CHLSN: variants seen among roughly 807,000 people sequenced by gnomAD.
CHLSN encodes cholesin.
the CHLSN span, among the ~76,000 whole-genome samples, chr7:1,064,045 C>T: frequency 6.6e-6 from 1 of 152,152 alleles, no homozygotes; most frequent in South Asian, 2.1e-4. Flanking sequence ...GAGGGAGTCA[C>T]TTCAACATCT....
the CHLSN span, among the ~76,000 whole-genome samples, chr7:992,832 C>A: frequency 6.6e-6 from 1 of 152,190 alleles, no homozygotes; most frequent in African/African-American, 2.4e-5. Flanking sequence ...CTCAGCCTAG[C>A]GCCCAGCTGT....
chr7:997,744 G>T, the CHLSN span: 6 of 1,611,028 alleles, frequency 3.7e-6, no homozygotes, highest in African/African-American at 8.0e-5. Context: ...GTCAGCTCTC[G>T]GGCCCGGCCC....
chr7:997,750 G>T, the CHLSN span: 5 of 1,610,992 alleles, frequency 3.1e-6, no homozygotes, highest in Non-Finnish European at 4.2e-6. Context: ...TCTCGGGCCC[G>T]GCCCTGCAGC....
At chr7:990,552 C>T in the CHLSN span, among the ~76,000 whole-genome samples, 3 of 151,962 alleles carry the variant, frequency 2.0e-5, no homozygotes, top group African/African-American at 7.3e-5. Flanking sequence ...ACGTGGTGGC[C>T]GGGACACACG....
chr7:1,008,172 C>A, the CHLSN span, among the ~76,000 whole-genome samples: 1 of 152,336 alleles, frequency 6.6e-6, no homozygotes, highest in South Asian at 2.1e-4. Flanking sequence ...CTCTGCCTCC[C>A]ACAGGGAGCC....
chr7:1,100,296 C>T, the CHLSN span, among the ~76,000 whole-genome samples: 2 of 152,232 alleles, frequency 1.3e-5, no homozygotes, highest in African/African-American at 4.8e-5. Flanking sequence ...CCACAGGAGC[C>T]GACAGAGGCT....
the CHLSN span, among the ~76,000 whole-genome samples, chr7:1,059,654 G>GT: frequency 1.2e-5 from 1 of 81,002 alleles, no homozygotes; most frequent in Non-Finnish European, 3.0e-5. Flanking sequence ...GCAGGTCTTA[G>GT]GGGGGCGGGT....
the CHLSN span, among the ~76,000 whole-genome samples, chr7:1,131,812 T>G: frequency 6.6e-6 from 1 of 152,242 alleles, no homozygotes; most frequent in Non-Finnish European, 1.5e-5. Context: ...TAATAAGGGA[T>G]AAAAGACTTT....
At chr7:1,009,369 A>G in the CHLSN span, among the ~76,000 whole-genome samples, 1 of 152,132 alleles carries the variant, frequency 6.6e-6, no homozygotes, top group East Asian at 1.9e-4. Context: ...TGTGCTGGTA[A>G]GCGCCGGGGA....
chr7:1,000,405 G>T, the CHLSN span: 3 of 1,086,894 alleles, frequency 2.8e-6, no homozygotes, highest in Non-Finnish European at 3.7e-6. Context: ...CCGGGGGGAC[G>T]TGCCTGCCCC....
the CHLSN span, among the ~76,000 whole-genome samples, chr7:1,064,297 C>T: frequency 6.6e-6 from 1 of 152,256 alleles, no homozygotes; most frequent in Admixed American, 6.5e-5. Context: ...TTAGCAGCCA[C>T]AGAACAGGCC....
chr7:1,015,125 C>T, the CHLSN span, among the ~76,000 whole-genome samples: 8 of 152,252 alleles, frequency 5.3e-5, no homozygotes, highest in Non-Finnish European at 1.2e-4. Context: ...TGACCTTCCC[C>T]AGCCGTGGCC....
the CHLSN span, among the ~76,000 whole-genome samples, chr7:1,052,230 G>A: frequency 6.6e-6 from 1 of 152,372 alleles, no homozygotes; most frequent in South Asian, 2.1e-4. The surrounding 1 kb of genome is among the most constrained non-coding windows in gnomAD (Gnocchi z 4.2). Context: ...GAGCCTCTGA[G>A]CAGGCGCCTG....
the CHLSN span, among the ~76,000 whole-genome samples, chr7:1,005,514 G>C: frequency 9.8e-4 from 150 of 152,346 alleles, no homozygotes; most frequent in African/African-American, 3.6e-3. Context: ...GGGTCTCATG[G>C]GTTGGCCGCT....
chr7:1,135,020 C>A, the CHLSN span, among the ~76,000 whole-genome samples: 1 of 152,238 alleles, frequency 6.6e-6, no homozygotes, highest in East Asian at 1.9e-4. Context: ...TGCCAACTCT[C>A]AGTATGCAAC....
chr7:1,008,361 C>T, the CHLSN span, among the ~76,000 whole-genome samples: 11 of 152,310 alleles, frequency 7.2e-5, no homozygotes, highest in East Asian at 9.6e-4. Flanking sequence ...CAGGAGCAAG[C>T]GCAGGAGGCA....
the CHLSN span, among the ~76,000 whole-genome samples, chr7:1,120,491 C>T: frequency 6.6e-6 from 1 of 152,052 alleles, no homozygotes; most frequent in African/African-American, 2.4e-5. Context: ...AGGGTTTCAC[C>T]ATGTTGCCCC....
the CHLSN span, among the ~76,000 whole-genome samples, chr7:1,105,331 G>A: frequency 9.2e-5 from 14 of 152,208 alleles, no homozygotes; most frequent in African/African-American, 2.7e-4. Context: ...GTGCTGGCCC[G>A]GTTCTGCCGC....
At chr7:988,820 T>C in the CHLSN span, 1 of 1,551,328 alleles carries the variant, frequency 6.4e-7, no homozygotes, top group South Asian at 1.2e-5. Flanking sequence ...GCCCAGGCCC[T>C]AGGAGCTCCC....
Sources: gnomAD v4.1 joint callset for allele counts (sites outside exome capture counted in the v4.1 genomes callset) on GRCh38, gnomAD v4.1.1 for gene constraint, Gnocchi (gnomAD v3.1) non-coding constraint, MANE v1.5 for transcripts, NCBI Gene and HGNC (gene_info 2026-07-23, HGNC 2026-07-21) for gene names.